Variants in PLAUR observed in about 807,000 individuals in gnomAD.
PLAUR encodes the protein plasminogen activator, urokinase receptor.
PLAUR carries 22 observed loss-of-function variants against 33.4 expected under a neutral mutation model. The ratio of observed to expected loss-of-function variants is 0.66; its 90% CI spans 0.47 to 0.94. The LOEUF is 0.94. PLAUR is among the 40% of genes least tolerant of loss of function. PLAUR has a pLI of 0.00. For missense variants in PLAUR, 408 were observed against 434.7 expected, an observed-to-expected ratio of 0.94 and a Z score of 0.55; for synonymous variants, 148 against 167.3, an observed-to-expected ratio of 0.88 and a Z score of 0.89.
intron 6 of PLAUR, among the ~76,000 whole-genome samples, chr19:43,649,633 AAGAG>A (rs746805798): frequency 2.8e-4 from 40 of 143,386 alleles, no homozygotes; most frequent in Admixed American, 1.1e-3. Context: ...AAAAGAAAGA[AAGAG>A]AGAGAGAGGG....
chr19:43,656,560 G>A lies in PLAUR; in HGVS notation c.391C>T (p.Arg131Trp), dbSNP rs772718099. 38 of 1,613,022 alleles carry A rather than the reference G, an allele frequency of 2.4e-5. No homozygotes were observed. The highest frequency in any genetic ancestry group is 3.1e-5 in the Non-Finnish European group (36 of 1,179,376). The change falls in exon 4 of 7, where the codon CGG becomes TGG. Residue 131 changes from arginine (R) to tryptophan (W), a missense_variant. Transcript: ENST00000340093. ...CTGCGGCACTGCAGGCTCTGGTGCC[G>A]GCCCCTCTCACAGCTCATGTCTGAT... ...GSSDMSCERG[R>W]HQSLQCRSPE...
At chr19:43,662,298 C>A (rs1009265383) in intron 3 of PLAUR, among the ~76,000 whole-genome samples, 4 of 151,998 alleles carry the variant, frequency 2.6e-5, no homozygotes, top group African/African-American at 9.7e-5. Context: ...GAGTTCGAGA[C>A]CAGCCTGGCC....
chr19:43,651,981 G>C, intron 6 of PLAUR: 1 of 1,233,956 alleles, frequency 8.1e-7, no homozygotes, highest in Non-Finnish European at 1.0e-6. Context: ...GCCTCCCAAA[G>C]TGCTGAGAGT....
chr19:43,647,079 C>T (rs1002798036), downstream of PLAUR, among the ~76,000 whole-genome samples: 3 of 152,136 alleles, frequency 2.0e-5, no homozygotes, highest in East Asian at 3.9e-4. Context: ...CACAGCCAGC[C>T]GAAGATATCT....
At chr19:43,668,356 G>C in intron 1 of PLAUR, 6 of 964,402 alleles carry the variant, frequency 6.2e-6, no homozygotes, top group Non-Finnish European at 7.4e-6. Flanking sequence ...CATCGTCGAG[G>C]TTCTAGCCCC....
At chr19:43,654,374 A>C (rs1166597172) in intron 5 of PLAUR, among the ~76,000 whole-genome samples, 1 of 152,098 alleles carries the variant, frequency 6.6e-6, no homozygotes, top group African/African-American at 2.4e-5. Context: ...CAACAGAATA[A>C]GGTCTTTGGA....
Position 43,652,256 on chromosome 19 carries a change from C to G in PLAUR, c.723G>C (p.Met241Ile). Reference protein sequence around the residue: ...ETFLIDCRGPMNQCLVATGTH... With the variant: ...ETFLIDCRGPINQCLVATGTH... Reference sequence around the variant, plus strand: ...TGCCGGTGGCTACCAGACATTGATTCATGGGGCCTCGGCAGTCAATGAGGA... The same window carrying G: ...TGCCGGTGGCTACCAGACATTGATTGATGGGGCCTCGGCAGTCAATGAGGA... Residue 241 changes from methionine (M) to isoleucine (I), a missense_variant, in exon 6 of 7, where the codon ATG becomes ATC. Coordinates refer to ENST00000340093, the MANE Select transcript of PLAUR (RefSeq NM_002659.4). 6.2e-7 allele frequency: 1 copy of G among 1,614,122 alleles called. No individual in the cohort carries two copies. Among genetic ancestry groups the G allele is most frequent in the Non-Finnish European group, 8.5e-7 (1 of 1,179,994 alleles).
At chr19:43,649,926 A>C (rs371874393) in intron 6 of PLAUR, among the ~76,000 whole-genome samples, 136 of 151,948 alleles carry the variant, frequency 9.0e-4, no homozygotes, top group African/African-American at 3.1e-3. Context: ...AGAAGCTTCC[A>C]TGAGGACCCA....
chr19:43,652,740 A>G (rs1246413323), intron 5 of PLAUR, among the ~76,000 whole-genome samples: 1 of 151,980 alleles, frequency 6.6e-6, no homozygotes, highest in East Asian at 1.9e-4. Context: ...AGCCTCGACC[A>G]CCCCGGCTCA....
chr19:43,662,769 C>T (rs1262511425), intron 3 of PLAUR, among the ~76,000 whole-genome samples: 2 of 150,954 alleles, frequency 1.3e-5, no homozygotes, highest in Admixed American at 1.3e-4. Flanking sequence ...GGCTGGGGTA[C>T]AGTGGTGCGA....
Position 43,648,696 on chromosome 19 carries a change from C to A in PLAUR, c.*194G>T. The A allele has an allele frequency of 1.3e-6, 1 of 790,244 alleles. No individual in the cohort carries two copies. The highest frequency in any genetic ancestry group is 3.9e-4 in the Middle Eastern group (1 of 2,544). 49.0% of individuals were successfully genotyped at this position (790,244 alleles called of 1,614,324 possible). A position where few individuals can be genotyped will look rare whatever the true frequency, so the allele number is the denominator to read the frequency against. ...TAACAAGAGCTCTCCCATTGGCCCA[C>A]GGCCTTCCTCCAGCTTTTCTCTTCT... On this transcript the variant is annotated 3_prime_UTR_variant, in exon 7 of 7. Coordinates refer to ENST00000340093, the MANE Select transcript of PLAUR (RefSeq NM_002659.4).
chr19:43,652,671 T>C (rs558976195), intron 5 of PLAUR, among the ~76,000 whole-genome samples: 4 of 152,194 alleles, frequency 2.6e-5, no homozygotes, highest in Middle Eastern at 3.4e-3. Flanking sequence ...TTATTTTTGA[T>C]ACAGGGTCTC....
intron 3 of PLAUR, among the ~76,000 whole-genome samples, chr19:43,659,813 T>C (rs188543043): frequency 7.9e-5 from 12 of 152,354 alleles, no homozygotes; most frequent in African/African-American, 2.9e-4. Flanking sequence ...TTAATCCTTT[T>C]GCTCTGCTGT....
chr19:43,668,010 C>G (rs1192745004), intron 1 of PLAUR: 6 of 1,165,936 alleles, frequency 5.1e-6, no homozygotes, highest in Non-Finnish European at 5.4e-6. Context: ...TCTATCAGTA[C>G]GTTCTATTCC....
intron 5 of PLAUR, among the ~76,000 whole-genome samples, chr19:43,653,848 G>A (rs772849549): frequency 1.3e-5 from 2 of 150,778 alleles, no homozygotes; most frequent in Admixed American, 6.6e-5. Context: ...GGGTGCGGCC[G>A]GGCGTGGTGG....
intron 3 of PLAUR, chr19:43,661,127 G>C (rs961945659): frequency 1.3e-5 from 2 of 152,194 alleles, no homozygotes; most frequent in East Asian, 3.8e-4. Flanking sequence ...ACTTGAGGGA[G>C]ATTTGTTTGC....
intron 2 of PLAUR, 168 bp downstream of exon 2, chr19:43,667,413 C>T: frequency 3.2e-6 from 2 of 617,490 alleles, no homozygotes; most frequent in Non-Finnish European, 5.8e-6. Context: ...CTTACTAACC[C>T]GGGTATTGTC....
Position 43,665,387 on chromosome 19 carries a change from C to G in PLAUR, c.239G>C (p.Arg80Pro), listed in dbSNP as rs977635101. 1 of 1,613,738 alleles carries G rather than the reference C, an allele frequency of 6.2e-7. No homozygotes were observed. The highest frequency in any genetic ancestry group is 1.7e-5 in the Admixed American group (1 of 59,946). ...SEKTNRTLSY[R>P]TGLKITSLTE... ...AAGGCTGGTGATCTTCAAGCCAGTC[C>G]GATAGCTCAGGGTCCTGTTGGTCTT... is the stretch of plus-strand genomic sequence containing the variant. Residue 80 changes from arginine to proline, a missense_variant, in exon 3 of 7, where the codon CGG (arginine) becomes CCG (proline). Physicochemically the swap from Arg to Pro is moderately radical, Grantham distance 103. Coordinates refer to ENST00000340093, the MANE Select transcript of PLAUR (RefSeq NM_002659.4).
chr19:43,657,227 A>G (rs906023807), intron 3 of PLAUR, among the ~76,000 whole-genome samples: 1 of 152,116 alleles, frequency 6.6e-6, no homozygotes, highest in Non-Finnish European at 1.5e-5. Context: ...TACAGGCATG[A>G]GCCACTGCAC....
Sources: allele counts gnomAD v4.1 joint callset (sites outside exome capture counted in the v4.1 genomes callset), GRCh38; gene constraint gnomAD v4.1.1; transcripts MANE v1.5; gene names NCBI Gene and HGNC (gene_info 2026-07-23, HGNC 2026-07-21).